The following DNAH9 variants were observed in gnomAD, a reference collection of about 807,000 sequenced individuals.
The protein encoded by DNAH9 is dynein axonemal heavy chain 9, also known as DNAH9 variant protein.
In DNAH9, 345 loss-of-function variants were observed where a neutral mutation model predicts 471.6. The ratio of observed to expected loss-of-function variants is 0.73; its 90% CI spans 0.67 to 0.80. DNAH9 has a LOEUF of 0.80. Ranked by LOEUF, DNAH9 falls within the 30% of genes least tolerant of loss-of-function variation. The pLI is 0.00. For missense variants in DNAH9, 5,407 were observed against 5,609.2 expected, an observed-to-expected ratio of 0.96 and a Z score of 1.15; for synonymous variants, 2,093 against 2,123.6, an observed-to-expected ratio of 0.99 and a Z score of 0.40.
intron 67 of DNAH9, among the ~76,000 whole-genome samples, chr17:11,958,512 T>C (rs1975793428): frequency 6.6e-6 from 1 of 152,168 alleles, no homozygotes; most frequent in Admixed American, 6.5e-5. Flanking sequence ...ATTATAAATT[T>C]GTCCAAACAC....
Position 11,961,894 on chromosome 17 carries a change from G to A in DNAH9, c.12871G>A (p.Glu4291Lys). ...GGAGCTGACTATGACCAGCCACATG[G>A]AGAACTTACAGAATGCCCTGTACTT... ...KGELTMTSHM[E>K]NLQNALYFDM... Residue 4291 changes from glutamate (E) to lysine (K), a missense_variant, in exon 68 of 69, where the codon GAG (glutamate) becomes AAG (lysine). This residue lies in a region of DNAH9 where 4,636 missense variants were observed against 4,900.3 expected (regional missense o/e 0.95). Coordinates refer to ENST00000262442, the MANE Select transcript of DNAH9 (RefSeq NM_001372.4). The A allele has an allele frequency of 6.2e-7, 1 of 1,612,086 alleles. No individual in the cohort carries two copies. The highest frequency in any genetic ancestry group is 8.5e-7 in the Non-Finnish European group (1 of 1,178,792).
intron 2 of DNAH9, among the ~76,000 whole-genome samples, chr17:11,609,840 T>C (rs2072593656): frequency 6.6e-6 from 1 of 152,224 alleles, no homozygotes; most frequent in African/African-American, 2.4e-5. Context: ...AGGTGGCTGA[T>C]TATTAGCCTT....
chr17:11,678,595 T>G (rs73290847), intron 17 of DNAH9, among the ~76,000 whole-genome samples: 104 of 152,376 alleles, frequency 6.8e-4, no homozygotes, highest in African/African-American at 2.4e-3. Context: ...AGTCTAGTTT[T>G]GTTTTTGTTG....
At chr17:11,850,776 A>T (rs759051306) in intron 49 of DNAH9, among the ~76,000 whole-genome samples, 1 of 151,914 alleles carries the variant, frequency 6.6e-6, no homozygotes, top group Non-Finnish European at 1.5e-5. Flanking sequence ...TTACCCAGGG[A>T]TTTTTTAAAT....
chr17:11,931,987 A>C (rs2286304), intron 63 of DNAH9, 27 bp from the exon 64 acceptor site: 32 of 1,611,716 alleles, frequency 2.0e-5, no homozygotes, highest in Non-Finnish European at 2.4e-5. Context: ...TTGTGTGCGA[A>C]CCTTAAAAGC....
chr17:11,659,207 G>T (rs1301030738), intron 14 of DNAH9, among the ~76,000 whole-genome samples: 4 of 152,082 alleles, frequency 2.6e-5, no homozygotes, highest in Non-Finnish European at 5.9e-5. Flanking sequence ...ATTAGTTTTT[G>T]CAAGTTGCTT....
rs371513198 is a variant in DNAH9 at position 11,723,988 on chromosome 17, T to A, written c.5710-3830T>A. Reference sequence around the variant, plus strand: ...GTGCCCGGCTTGTTAAAAATTGAATTTTTAAAACATCTTTTTTATTGATAC... The same window carrying A: ...GTGCCCGGCTTGTTAAAAATTGAATATTTAAAACATCTTTTTTATTGATAC... On this transcript the variant is annotated intron_variant, in intron 27 of 68. Coordinates refer to ENST00000262442, the MANE Select transcript of DNAH9 (RefSeq NM_001372.4). 2.8e-4 allele frequency among the ~76,000 whole-genome samples: 43 copies of A among 152,272 alleles called. No homozygotes were observed. In the South Asian group the frequency reaches 5.2e-3, roughly 18 times the overall value.
chr17:11,720,924 C>A (rs893088902), intron 27 of DNAH9, among the ~76,000 whole-genome samples: 1 of 152,110 alleles, frequency 6.6e-6, no homozygotes, highest in East Asian at 1.9e-4. Flanking sequence ...GTTTTCTCCC[C>A]CCTTTATAGA....
chr17:11,798,232 A>G (rs560657064), intron 43 of DNAH9, among the ~76,000 whole-genome samples: 2 of 152,064 alleles, frequency 1.3e-5, no homozygotes, highest in South Asian at 4.2e-4. Flanking sequence ...GGAGATCAAG[A>G]CCATCCTGGC....
At chr17:11,943,371 G>A (rs1975005890) in intron 67 of DNAH9, among the ~76,000 whole-genome samples, 1 of 152,080 alleles carries the variant, frequency 6.6e-6, no homozygotes, top group Admixed American at 6.5e-5. Context: ...CATAGATGAT[G>A]AAACGGACTG....
At chr17:11,632,820 T>C (rs1597410952) in intron 8 of DNAH9, 117 bp downstream of exon 8, 1 of 572,546 alleles carries the variant, frequency 1.7e-6, no homozygotes, top group East Asian at 2.6e-5. Context: ...TTATTCTTAT[T>C]AATCTAGTAG....
chr17:11,747,747 C>T lies in DNAH9; in HGVS notation c.6591C>T (p.Ala2197=). Residue 2197 remains alanine (A), a synonymous_variant, in exon 32 of 69, where the codon GCC becomes GCT. Transcript: ENST00000262442. The part of the protein sequence containing the change: ...NDELFGIINP[A]TGEWKDGLFS... Reference sequence around the variant, plus strand: ...AGCTCTTTGGCATCATCAATCCAGCCACAGGAGAATGGAAGGATGGTAAGA... The same window carrying T: ...AGCTCTTTGGCATCATCAATCCAGCTACAGGAGAATGGAAGGATGGTAAGA... 1.2e-6 allele frequency: 2 copies of T among 1,613,938 alleles called. No homozygotes were observed. The highest frequency in any genetic ancestry group is 8.5e-7 in the Non-Finnish European group (1 of 1,179,876).
At chr17:11,756,459 A>G (rs574100273) in intron 33 of DNAH9, 109 bp from the exon 34 acceptor site, 1 of 712,272 alleles carries the variant, frequency 1.4e-6, no homozygotes, top group Non-Finnish European at 2.5e-6. Context: ...TATAAAGGAA[A>G]TAATTCTCCA....
chr17:11,787,675 C>T (rs1438247884), intron 41 of DNAH9, among the ~76,000 whole-genome samples: 2 of 152,134 alleles, frequency 1.3e-5, no homozygotes, highest in East Asian at 3.9e-4. Flanking sequence ...GGTCCCCACC[C>T]AAATCTCATC....
At chr17:11,880,719 C>T (rs1450888528) in intron 54 of DNAH9, among the ~76,000 whole-genome samples, 1 of 152,114 alleles carries the variant, frequency 6.6e-6, no homozygotes, top group African/African-American at 2.4e-5. Context: ...TGAAGGGGTG[C>T]TTGACTCAGG....
In DNAH9 at chr17:11,747,623, G is replaced by T. The variant is rs781678641; in HGVS notation, c.6467G>T (p.Gly2156Val). 5 of 1,614,110 alleles carry T rather than the reference G, an allele frequency of 3.1e-6. No individual in the cohort carries two copies. Among genetic ancestry groups the T allele is most frequent in the Non-Finnish European group, 4.2e-6 (5 of 1,180,032 alleles). ...SVFVVGGAGT[G>V]KSQVLRSLHK... ...TTTGTGGTGGGTGGCGCTGGTACCG[G>T]CAAGTCACAGGTGCTGAGGTCCTTG... The change falls in exon 32 of 69, where the codon GGC (glycine) becomes GTC (valine). Residue 2156 changes from glycine to valine, a missense_variant. Transcript: ENST00000262442.
chr17:11,871,886 C>G (rs1957412906), intron 52 of DNAH9, 100 bp downstream of exon 52: 2 of 1,251,240 alleles, frequency 1.6e-6, no homozygotes, highest in Non-Finnish European at 2.3e-6. Context: ...CTCCTGCACA[C>G]TCATCCCCAC....
At chr17:11,753,081 A>G (rs2150852861) in intron 33 of DNAH9, 121 bp downstream of exon 33, 2 of 769,614 alleles carry the variant, frequency 2.6e-6, no homozygotes, top group South Asian at 2.1e-5. Flanking sequence ...GTAAGGAACT[A>G]TCATCAGCAT....
chr17:11,834,713 A>G lies in DNAH9; in HGVS notation c.9322A>G (p.Ile3108Val). 1.9e-6 allele frequency: 3 copies of G among 1,614,118 alleles called. No homozygotes were observed. Among genetic ancestry groups the G allele is most frequent in the Non-Finnish European group, 2.5e-6 (3 of 1,180,014 alleles). Residue 3108 changes from isoleucine (I) to valine (V), a missense_variant, in exon 49 of 69, where the codon ATT becomes GTT. Around this residue, in one of 3 missense-constraint regions of DNAH9, gnomAD observed 4,636 missense variants for 4,900.3 expected, o/e 0.95. Coordinates refer to ENST00000262442, the MANE Select transcript of DNAH9 (RefSeq NM_001372.4). ...KQKNEDADKLIQVVGVETDKV... is the reference protein window; with the variant it reads ...KQKNEDADKLVQVVGVETDKV... ...GAAAAATGAAGATGCAGACAAACTG[A>G]TTCAGGTCGTGGGTGTGGAGACTGA...
Sources: gnomAD v4.1 joint callset for allele counts (sites outside exome capture counted in the v4.1 genomes callset) on GRCh38, gnomAD v4.1.1 for gene constraint, gnomAD v4.1.1 regional missense constraint, MANE v1.5 for transcripts, NCBI Gene and HGNC (gene_info 2026-07-23, HGNC 2026-07-21) for gene names.